Variants in FIG4 observed in about 807,000 individuals in gnomAD.
FIG4 encodes the protein FIG4 phosphoinositide 5-phosphatase.
FIG4 carries 112 observed loss-of-function variants against 118.6 expected under a neutral mutation model. That is an observed-to-expected ratio of 0.94 (90% CI 0.81 to 1.11). The LOEUF is 1.11. FIG4 is among the 50% of genes least tolerant of loss of function. FIG4 has a pLI of 0.00. For missense variants in FIG4, 969 were observed against 1,111.7 expected (o/e 0.87, Z 1.83); for synonymous variants, 369 against 381.2 (o/e 0.97, Z 0.37).
At chr6:109,714,909 C>T (rs1283583357) in intron 1 of FIG4, among the ~76,000 whole-genome samples, 169 bp from the exon 2 acceptor site, 5 of 152,100 alleles carry the variant, frequency 3.3e-5, no homozygotes, top group Non-Finnish European at 5.9e-5. Context: ...TTAAAATTGA[C>T]CTTTTGGAGT....
In FIG4 at chr6:109,785,722, A is replaced by G. The variant is rs201349323; in HGVS notation, c.1949-580A>G. On this transcript the variant is annotated intron_variant, in intron 17 of 22. Transcript: ENST00000230124. ...CTGGAATGCTCCAATTGAGGACTCC[A>G]TCTAGTCATGCTTCAGCATCCCAAC... 4.8e-3 allele frequency: 2,244 copies of G among 470,424 alleles called. 13 individuals are homozygous for G. Among genetic ancestry groups the G allele is most frequent in the Non-Finnish European group, 7.3e-3 (1,654 of 226,546 alleles). 29.1% of individuals were successfully genotyped at this position (470,424 alleles called of 1,614,324 possible). A position where few individuals can be genotyped will look rare whatever the true frequency, so the allele number is the denominator to read the frequency against.
intron 10 of FIG4, among the ~76,000 whole-genome samples, chr6:109,755,760 C>A (rs1298309546): frequency 1.3e-5 from 2 of 152,068 alleles, no homozygotes; most frequent in African/African-American, 2.4e-5. Context: ...GATTGCAACC[C>A]CTGCCTTTTT....
chr6:109,757,785 G>A (rs1191664347), intron 10 of FIG4, among the ~76,000 whole-genome samples: 2 of 152,170 alleles, frequency 1.3e-5, no homozygotes, highest in African/African-American at 2.4e-5. Flanking sequence ...CAAAATCAAT[G>A]TGCAAAAATC....
intron 15 of FIG4, among the ~76,000 whole-genome samples, chr6:109,775,329 TGCA>T (rs1193193857): frequency 2.0e-5 from 3 of 152,232 alleles, no homozygotes; most frequent in South Asian, 2.1e-4. Context: ...TATTTTCAGT[TGCA>T]GCAGCAGTAC....
intron 15 of FIG4, among the ~76,000 whole-genome samples, chr6:109,768,200 C>T (rs184885521): frequency 6.6e-6 from 1 of 151,254 alleles, no homozygotes; most frequent in East Asian, 1.9e-4. Context: ...CCAGTAAGGC[C>T]CCTGGAAGGA....
intron 10 of FIG4, among the ~76,000 whole-genome samples, chr6:109,754,631 C>G (rs1266585280): frequency 2.6e-5 from 4 of 152,084 alleles, no homozygotes; most frequent in African/African-American, 9.7e-5. Context: ...TGTTATTGGT[C>G]TATTCAGAGA....
chr6:109,779,575 T>C (rs574328087), intron 16 of FIG4, among the ~76,000 whole-genome samples: 2 of 151,950 alleles, frequency 1.3e-5, no homozygotes, highest in East Asian at 3.9e-4. Context: ...CTTTTTCTGT[T>C]TGTTTGTTTT....
At chr6:109,710,337 T>C (rs1775217914) in intron 1 of FIG4, among the ~76,000 whole-genome samples, 3 of 152,218 alleles carry the variant, frequency 2.0e-5, no homozygotes, top group Non-Finnish European at 4.4e-5. Flanking sequence ...CTTTTTGATG[T>C]GCTGCTGGAT....
intron 11 of FIG4, among the ~76,000 whole-genome samples, chr6:109,761,665 G>A (rs1226142573): frequency 6.6e-6 from 1 of 152,200 alleles, no homozygotes; most frequent in Admixed American, 6.5e-5. Context: ...GGGATTACAG[G>A]CGTGAGCCAC....
intron 16 of FIG4, among the ~76,000 whole-genome samples, chr6:109,778,697 C>T (rs1312124862): frequency 2.0e-5 from 3 of 151,994 alleles, no homozygotes; most frequent in Non-Finnish European, 2.9e-5. Flanking sequence ...CTCCCGGGTT[C>T]ACGCCATTCT....
chr6:109,752,574 T>A (rs1407023148), intron 10 of FIG4, among the ~76,000 whole-genome samples: 9 of 152,246 alleles, frequency 5.9e-5, no homozygotes, highest in Non-Finnish European at 1.3e-4. Flanking sequence ...TTGATTTGCG[T>A]TTCTCTGATG....
chr6:109,759,838 T>C (rs1485327769), intron 10 of FIG4, among the ~76,000 whole-genome samples: 2 of 152,230 alleles, frequency 1.3e-5, no homozygotes, highest in African/African-American at 4.8e-5. Context: ...GCTGTGCTAG[T>C]TTGGGAATTG....
chr6:109,779,643 T>C (rs1017612095), intron 16 of FIG4, among the ~76,000 whole-genome samples: 2 of 152,200 alleles, frequency 1.3e-5, no homozygotes, highest in Non-Finnish European at 2.9e-5. Flanking sequence ...AAGAGGGAAT[T>C]GATACTGTGC....
At chr6:109,725,438 C>CT (rs1469312479) in intron 3 of FIG4, among the ~76,000 whole-genome samples, 1 of 152,064 alleles carries the variant, frequency 6.6e-6, no homozygotes, top group Non-Finnish European at 1.5e-5. Context: ...TGAACTCATC[C>CT]TTTTTTATGG....
intron 4 of FIG4, among the ~76,000 whole-genome samples, chr6:109,731,671 C>T (rs1436150879): frequency 6.6e-6 from 1 of 152,072 alleles, no homozygotes; most frequent in African/African-American, 2.4e-5. Context: ...TATAAGTAAT[C>T]TGGAGGTAAT....
At chr6:109,713,144 C>G (rs1775320483) in intron 1 of FIG4, among the ~76,000 whole-genome samples, 1 of 152,162 alleles carries the variant, frequency 6.6e-6, no homozygotes, top group Non-Finnish European at 1.5e-5. Context: ...GGTCACTATG[C>G]TTTGATGGGT....
rs771006175 is a variant in FIG4, at chr6:109,825,095, A to G, written c.2554A>G (p.Ile852Val). 2 of 1,613,512 alleles carry G rather than the reference A, an allele frequency of 1.2e-6. No homozygotes were observed. The highest frequency in any genetic ancestry group is 1.7e-6 in the Non-Finnish European group (2 of 1,179,578). Residue 852 changes from isoleucine (I) to valine (V), a missense_variant, in exon 23 of 23, where the codon ATC becomes GTC. Physicochemically the swap from Ile to Val is conservative, Grantham distance 29. Coordinates refer to ENST00000230124, the MANE Select transcript of FIG4 (RefSeq NM_014845.6). ...TTTATTCATCTTTTATAGAACACCC[A>G]TCTCGGCTTTCTCGCAAGATAACAT... ...CSDGVIKLTP[I>V]SAFSQDNIYE...
At chr6:109,692,766 G>A (rs1583616138) in intron 1 of FIG4, among the ~76,000 whole-genome samples, 1 of 151,378 alleles carries the variant, frequency 6.6e-6, no homozygotes, top group Non-Finnish European at 1.5e-5. Context: ...GTGCTATCTC[G>A]GCTCACTCAC....
intron 1 of FIG4, among the ~76,000 whole-genome samples, chr6:109,712,573 T>G (rs1046741538): frequency 1.3e-5 from 2 of 152,226 alleles, no homozygotes; most frequent in Admixed American, 1.3e-4. Flanking sequence ...ATTCTTGTAG[T>G]ATGTTTTTCA....
Sources: allele counts gnomAD v4.1 joint callset (sites outside exome capture counted in the v4.1 genomes callset), GRCh38; gene constraint gnomAD v4.1.1; transcripts MANE v1.5; gene names NCBI Gene and HGNC (gene_info 2026-07-23, HGNC 2026-07-21).